The following ADGRL3 variants were observed in gnomAD, a reference collection of about 807,000 sequenced individuals.
The protein encoded by ADGRL3 is calcium-independent alpha-latrotoxin receptor 3.
A neutral mutation model predicts 153.5 loss-of-function variants in ADGRL3; 62 were observed. That is an observed-to-expected ratio of 0.40 (90% confidence interval 0.33 to 0.50). ADGRL3 has a LOEUF of 0.50. Ranked by LOEUF, ADGRL3 falls within the 20% of genes least tolerant of loss-of-function variation. The pLI is 0.47. For synonymous variants in ADGRL3, 710 were observed against 672.5 expected (o/e 1.06, Z -0.86); for missense variants, 1,641 against 1,859.4 (o/e 0.88, Z 2.16).
At position 61,732,990 on chromosome 4, in the gene ADGRL3, T is replaced by C; in HGVS notation, c.835T>C (p.Phe279Leu). The change falls in exon 8 of 27, where the codon TTT becomes CTT. Residue 279 changes from phenylalanine (F) to leucine (L), a missense_variant. By Grantham distance (22) the Phe-to-Leu change is conservative. Transcript: ENST00000683033. The part of the protein sequence containing the change: ...KLPHRVDGTG[F>L]VVYDGALFFN... The stretch of plus-strand genomic sequence containing the variant: ...CCCTCACAGGGTGGATGGCACAGGA[T>C]TTGTAGTGTATGATGGAGCTTTGTT... 1 of 1,613,674 alleles carries C rather than the reference T, an allele frequency of 6.2e-7. No individual in the cohort carries two copies. The highest frequency in any genetic ancestry group is 8.5e-7 in the Non-Finnish European group (1 of 1,179,790).
intron 21 of ADGRL3, among the ~76,000 whole-genome samples, chr4:62,000,187 T>C (rs1163656249): frequency 6.6e-6 from 1 of 151,730 alleles, no homozygotes; most frequent in Non-Finnish European, 1.5e-5. Flanking sequence ...AATAAGACTT[T>C]AACATTTATG....
intron 4 of ADGRL3, among the ~76,000 whole-genome samples, chr4:61,575,103 A>T (rs1404702902): frequency 1.3e-5 from 2 of 151,894 alleles, no homozygotes; most frequent in Admixed American, 6.6e-5. Flanking sequence ...CAGAAAAAGG[A>T]ATGCAGTTTA....
intron 8 of ADGRL3, among the ~76,000 whole-genome samples, chr4:61,805,164 G>A (rs927521176): frequency 2.4e-4 from 37 of 151,362 alleles, no homozygotes; most frequent in African/African-American, 3.2e-4. Context: ...ACTGTGTTTC[G>A]ATCTCCTGAC....
intron 8 of ADGRL3, among the ~76,000 whole-genome samples, chr4:61,771,594 AT>A (rs553939497): frequency 9.7e-4 from 147 of 152,136 alleles, no homozygotes; most frequent in African/African-American, 3.4e-3. Flanking sequence ...TTAATTAGTT[AT>A]TTTTTTAGAG....
At chr4:62,034,330 C>G in intron 23 of ADGRL3, among the ~76,000 whole-genome samples, 1 of 151,790 alleles carries the variant, frequency 6.6e-6, no homozygotes, top group Non-Finnish European at 1.5e-5. Context: ...AAAATTTTAA[C>G]TATCTGGACC....
intron 9 of ADGRL3, among the ~76,000 whole-genome samples, chr4:61,832,494 C>T (rs957876729): frequency 2.3e-4 from 35 of 152,272 alleles, no homozygotes; most frequent in African/African-American, 8.2e-4. Flanking sequence ...GGAAATTCTG[C>T]AGAAATCCCT....
chr4:61,548,147 A>G (rs1295848410), intron 4 of ADGRL3, among the ~76,000 whole-genome samples: 2 of 152,026 alleles, frequency 1.3e-5, no homozygotes, highest in East Asian at 1.9e-4. Flanking sequence ...TTGCTTGCAC[A>G]TTTGTTTATG....
chr4:61,469,549 C>T (rs1005426140), intron 2 of ADGRL3, among the ~76,000 whole-genome samples: 4 of 151,866 alleles, frequency 2.6e-5, no homozygotes, highest in African/African-American at 9.7e-5. Flanking sequence ...CCAGTAGGGG[C>T]CTGTGCTCTC....
intron 9 of ADGRL3, among the ~76,000 whole-genome samples, chr4:61,823,522 C>T (rs888884605): frequency 6.6e-6 from 1 of 152,074 alleles, no homozygotes; most frequent in African/African-American, 2.4e-5. Flanking sequence ...ATTCTAAGCA[C>T]TTGACATGGA....
chr4:61,316,644 T>A (rs887545870), intron 1 of ADGRL3, among the ~76,000 whole-genome samples: 1 of 151,862 alleles, frequency 6.6e-6, no homozygotes, highest in African/African-American at 2.4e-5. Context: ...AGGCAGGAGG[T>A]CAGTTAGAAG....
At chr4:61,918,410 T>C (rs2098754043) in intron 13 of ADGRL3, among the ~76,000 whole-genome samples, 1 of 152,156 alleles carries the variant, frequency 6.6e-6, no homozygotes, top group East Asian at 1.9e-4. Flanking sequence ...AATTGTGAGA[T>C]TAGCCTAGAA....
chr4:61,694,407 A>C (rs915643728), intron 6 of ADGRL3, among the ~76,000 whole-genome samples: 3 of 151,952 alleles, frequency 2.0e-5, no homozygotes, highest in Admixed American at 1.3e-4. Context: ...TATTACAATA[A>C]AGATTTTTAT....
intron 2 of ADGRL3, among the ~76,000 whole-genome samples, chr4:61,459,571 C>G (rs1005858455): frequency 1.1e-4 from 17 of 152,006 alleles, no homozygotes; most frequent in African/African-American, 4.1e-4. Flanking sequence ...AATAAATCCT[C>G]AGCAGTTGGA....
At chr4:61,939,472 T>TTC (rs2098864473) in intron 15 of ADGRL3, among the ~76,000 whole-genome samples, 2 of 151,166 alleles carry the variant, frequency 1.3e-5, no homozygotes, top group African/African-American at 4.9e-5. Flanking sequence ...AGTTTTTTTT[T>TTC]TTCTTTTTTT....
intron 5 of ADGRL3, among the ~76,000 whole-genome samples, chr4:61,647,416 T>C (rs2094063153): frequency 6.6e-6 from 1 of 152,172 alleles, no homozygotes; most frequent in Non-Finnish European, 1.5e-5. Flanking sequence ...AGAACTAGGG[T>C]TTGTCCCCAT....
At chr4:61,986,072 A>G (rs994168376) in intron 19 of ADGRL3, among the ~76,000 whole-genome samples, 3 of 151,664 alleles carry the variant, frequency 2.0e-5, no homozygotes, top group Non-Finnish European at 2.9e-5. Context: ...AGTTGTTTTT[A>G]GGATGTTTGT....
intron 7 of ADGRL3, among the ~76,000 whole-genome samples, chr4:61,731,165 T>TG (rs2096435209): frequency 6.6e-6 from 1 of 151,998 alleles, no homozygotes; most frequent in African/African-American, 2.4e-5. Flanking sequence ...TATTATGGAT[T>TG]GTATATTGAT....
intron 1 of ADGRL3, among the ~76,000 whole-genome samples, chr4:61,360,767 A>G (rs183534299): frequency 6.6e-6 from 1 of 152,312 alleles, no homozygotes; most frequent in Non-Finnish European, 1.5e-5. Flanking sequence ...ACCACATACT[A>G]GAAATACAAT....
At chr4:61,321,345 G>A (rs1461895695) in intron 1 of ADGRL3, among the ~76,000 whole-genome samples, 1 of 151,978 alleles carries the variant, frequency 6.6e-6, no homozygotes, top group Non-Finnish European at 1.5e-5. Context: ...CTGCACATCT[G>A]GCAAGGACTT....
Sources: gnomAD v4.1 joint callset for allele counts (sites outside exome capture counted in the v4.1 genomes callset) on GRCh38, gnomAD v4.1.1 for gene constraint, MANE v1.5 for transcripts, NCBI Gene and HGNC (gene_info 2026-07-23, HGNC 2026-07-21) for gene names.